SOX5: variants seen among roughly 807,000 people sequenced by gnomAD.
SOX5 encodes the protein transcription factor SOX-5.
Under a neutral mutation model 92.0 loss-of-function variants are expected in SOX5, and 9 were observed. The observed-to-expected ratio is 0.10, with a 90% CI of 0.06 to 0.17. The LOEUF is 0.17. SOX5 is among the 10% of genes least tolerant of loss of function. The pLI, the probability that SOX5 is intolerant of heterozygous loss-of-function variation, is 1.00. For missense variants in SOX5, 642 were observed against 944.5 expected, an observed-to-expected ratio of 0.68 and a Z score of 4.20; for synonymous variants, 344 against 336.3, an observed-to-expected ratio of 1.02 and a Z score of -0.25.
chr12:23,794,767 T>C (rs1333032350), intron 3 of SOX5, among the ~76,000 whole-genome samples: 1 of 152,144 alleles, frequency 6.6e-6, no homozygotes, highest in Non-Finnish European at 1.5e-5. Flanking sequence ...ATACAACAGC[T>C]GATTACCTTA....
intron 1 of SOX5, among the ~76,000 whole-genome samples, chr12:24,491,690 C>T (rs1947092646): frequency 6.6e-6 from 1 of 152,090 alleles, no homozygotes; most frequent in Admixed American, 6.5e-5. Flanking sequence ...TCCTGATAAA[C>T]ACTGGGTTCA....
chr12:24,218,963 ATTT>A (rs1183358570), intron 3 of SOX5, among the ~76,000 whole-genome samples: 1 of 152,070 alleles, frequency 6.6e-6, no homozygotes, highest in African/African-American at 2.4e-5. Flanking sequence ...CTGTAGAAAT[ATTT>A]TTTAACTCAA....
intron 7 of SOX5, among the ~76,000 whole-genome samples, chr12:23,657,502 T>A (rs74071401): frequency 0.016 from 2,420 of 152,282 alleles, 56 homozygotes; most frequent in African/African-American, 0.055. Flanking sequence ...TTCCAATCAA[T>A]CTTATGACAT....
chr12:23,584,419 C>T (rs1950438139), intron 9 of SOX5: 1 of 764,378 alleles, frequency 1.3e-6, no homozygotes, highest in Admixed American at 1.8e-5. Flanking sequence ...TGGTTATACG[C>T]AGATAGGCCA....
At chr12:23,861,330 G>C (rs1222899672) in intron 2 of SOX5, among the ~76,000 whole-genome samples, 1 of 152,104 alleles carries the variant, frequency 6.6e-6, no homozygotes. Flanking sequence ...TTGCTTTATT[G>C]AGTTGTGACT....
At chr12:23,600,865 C>CA (rs1167279721) in intron 9 of SOX5, among the ~76,000 whole-genome samples, 2 of 151,964 alleles carry the variant, frequency 1.3e-5, no homozygotes. Flanking sequence ...AAGCTCAGTA[C>CA]AGCACTCGTA....
At chr12:24,169,462 T>C (rs1400973033) in intron 4 of SOX5, among the ~76,000 whole-genome samples, 3 of 152,216 alleles carry the variant, frequency 2.0e-5, no homozygotes, top group African/African-American at 7.2e-5. Flanking sequence ...TCCTCAGAGA[T>C]AGTGTTTTAA....
intron 12 of SOX5, among the ~76,000 whole-genome samples, chr12:23,545,328 T>A (rs1014095234): frequency 6.6e-6 from 1 of 152,232 alleles, no homozygotes; most frequent in African/African-American, 2.4e-5. Context: ...ATGCTTAAAA[T>A]GCATGGATGC....
At chr12:24,321,962 G>A (rs188083844) in intron 2 of SOX5, among the ~76,000 whole-genome samples, 13 of 152,154 alleles carry the variant, frequency 8.5e-5, no homozygotes, top group Admixed American at 3.9e-4. Context: ...AAAGACTACA[G>A]GACCTTTATT....
chr12:24,433,176 G>C (rs554398172), intron 1 of SOX5, among the ~76,000 whole-genome samples: 1 of 152,162 alleles, frequency 6.6e-6, no homozygotes, highest in Non-Finnish European at 1.5e-5. Flanking sequence ...ATGGCTTACA[G>C]TATAAATAAA....
intron 3 of SOX5, among the ~76,000 whole-genome samples, chr12:23,818,192 T>A (rs117410281): frequency 6.6e-6 from 1 of 152,164 alleles, no homozygotes; most frequent in Non-Finnish European, 1.5e-5. Flanking sequence ...TTAGGTGATG[T>A]TGTCATTATG....
intron 3 of SOX5, among the ~76,000 whole-genome samples, chr12:23,815,890 T>C (rs1222393487): frequency 6.6e-6 from 1 of 152,202 alleles, no homozygotes; most frequent in Non-Finnish European, 1.5e-5. Flanking sequence ...ATAGGAAATA[T>C]TTTAAGCTTT....
intron 4 of SOX5, among the ~76,000 whole-genome samples, chr12:24,162,992 T>G (rs1171458755): frequency 2.0e-5 from 3 of 151,986 alleles, no homozygotes; most frequent in Non-Finnish European, 4.4e-5. Context: ...GCTCTGCAAA[T>G]ATTAACCGGT....
intron 4 of SOX5, among the ~76,000 whole-genome samples, chr12:24,077,265 C>T (rs758097715): frequency 6.6e-6 from 1 of 152,006 alleles, no homozygotes; most frequent in Non-Finnish European, 1.5e-5. Context: ...GTGCTTTCCC[C>T]GACACACCAC....
Position 23,877,281 on chromosome 12 carries a change from T to C in SOX5, c.270+18512A>G, listed in dbSNP as rs143541290. ...TGCAGTTATGCTAATTGTGGAAAAG[T>C]TTAAATATATTTTTGTGCTCTGGAA... On this transcript the variant is annotated intron_variant, in intron 2 of 14. Transcript: ENST00000451604. Among the ~76,000 whole-genome samples, 791 of 152,218 alleles carry C rather than the reference T, an allele frequency of 5.2e-3. 4 individuals carry two copies. The highest frequency in any genetic ancestry group is 8.4e-3 in the Non-Finnish European group (569 of 68,002).
chr12:24,505,420 T>C (rs1348223617), intron 1 of SOX5, among the ~76,000 whole-genome samples: 1 of 152,236 alleles, frequency 6.6e-6, no homozygotes, highest in Non-Finnish European at 1.5e-5. Context: ...TCTTGAGATG[T>C]TACTGAATTA....
At chr12:24,395,344 G>C (rs1959642314) in intron 1 of SOX5, among the ~76,000 whole-genome samples, 1 of 152,152 alleles carries the variant, frequency 6.6e-6, no homozygotes, top group East Asian at 1.9e-4. Context: ...TCAACCAGGG[G>C]AAATTTTGAG....
intron 4 of SOX5, among the ~76,000 whole-genome samples, chr12:24,126,060 C>T (rs1238658416): frequency 9.8e-5 from 15 of 152,308 alleles, no homozygotes; most frequent in Non-Finnish European, 2.2e-4. Flanking sequence ...CCAGTAGGAC[C>T]TGTTCCAAGG....
At chr12:24,281,107 G>C (rs1460865913) in intron 2 of SOX5, among the ~76,000 whole-genome samples, 4 of 151,412 alleles carry the variant, frequency 2.6e-5, no homozygotes, top group Non-Finnish European at 4.4e-5. Flanking sequence ...AAATAGAAAA[G>C]AGAATAATGA....
Sources: allele counts gnomAD v4.1 joint callset (sites outside exome capture counted in the v4.1 genomes callset), GRCh38; gene constraint gnomAD v4.1.1; transcripts MANE v1.5; gene names NCBI Gene and HGNC (gene_info 2026-07-23, HGNC 2026-07-21).